Variants in SYNPO2 observed in about 807,000 individuals in gnomAD.
SYNPO2 encodes the protein synaptopodin 2.
A neutral mutation model predicts 85.0 loss-of-function variants in SYNPO2; 56 were observed. The observed-to-expected ratio is 0.66, with a 90% CI of 0.53 to 0.82. The LOEUF (loss-of-function observed/expected upper bound fraction) is 0.82, where lower values mean the gene tolerates loss of function less well. SYNPO2 is among the 40% of genes least tolerant of loss of function. The pLI, the probability that SYNPO2 is intolerant of heterozygous loss-of-function variation, is 0.00. For synonymous variants in SYNPO2, 602 were observed against 591.1 expected (o/e 1.02, Z -0.27); for missense variants, 1,575 against 1,534.2 (o/e 1.03, Z -0.44).
intron 1 of SYNPO2, among the ~76,000 whole-genome samples, chr4:118,978,584 A>G (rs955753): frequency 0.082 from 12,557 of 152,254 alleles, 639 homozygotes; most frequent in East Asian, 0.15. Flanking sequence ...GTGTATTCCA[A>G]TGGATTTTCC....
At chr4:118,879,423 A>G (rs888500107) in intron 1 of SYNPO2, among the ~76,000 whole-genome samples, 1 of 152,180 alleles carries the variant, frequency 6.6e-6, no homozygotes, top group Non-Finnish European at 1.5e-5. Flanking sequence ...GAAGGTAATT[A>G]GCTCATGAGG....
chr4:118,946,253 G>A (rs1721564223), intron 1 of SYNPO2, among the ~76,000 whole-genome samples: 1 of 152,184 alleles, frequency 6.6e-6, no homozygotes, highest in African/African-American at 2.4e-5. Context: ...CCTTAAAAAT[G>A]TGTATCCTAC....
At chr4:118,925,310 A>G (rs1258642325) in intron 1 of SYNPO2, among the ~76,000 whole-genome samples, 2 of 152,108 alleles carry the variant, frequency 1.3e-5, no homozygotes, top group Admixed American at 1.3e-4. Flanking sequence ...GTGATTTGCT[A>G]CCTAGGCTCA....
intron 1 of SYNPO2, among the ~76,000 whole-genome samples, chr4:118,903,952 G>A (rs1477736540): frequency 1.3e-5 from 2 of 152,158 alleles, no homozygotes; most frequent in East Asian, 1.9e-4. Flanking sequence ...TCCTGACCTC[G>A]TGATCCGCCC....
intron 1 of SYNPO2, among the ~76,000 whole-genome samples, chr4:118,950,446 T>C (rs896960851): frequency 2.6e-5 from 4 of 152,112 alleles, no homozygotes; most frequent in African/African-American, 4.8e-5. Context: ...CAAGAGCCTG[T>C]ATTGTGGTTT....
At chr4:119,036,221 C>T (rs1738504684) in intron 4 of SYNPO2, 1 of 985,338 alleles carries the variant, frequency 1.0e-6, no homozygotes, top group Middle Eastern at 5.2e-4. Flanking sequence ...AAGCTAAATG[C>T]TTAAAATGCT....
intron 1 of SYNPO2, among the ~76,000 whole-genome samples, chr4:118,894,722 G>A (rs1249514785): frequency 6.6e-6 from 1 of 151,908 alleles, no homozygotes; most frequent in Non-Finnish European, 1.5e-5. Context: ...ATTCTAAGTT[G>A]AGAATTCTAT....
At chr4:118,894,462 T>C (rs1283429493) in intron 1 of SYNPO2, among the ~76,000 whole-genome samples, 1 of 152,024 alleles carries the variant, frequency 6.6e-6, no homozygotes, top group Non-Finnish European at 1.5e-5. Flanking sequence ...TAGCAGTTTA[T>C]TTCCTGGTAG....
At chr4:118,938,591 G>A (rs889164190) in intron 1 of SYNPO2, among the ~76,000 whole-genome samples, 3 of 152,108 alleles carry the variant, frequency 2.0e-5, no homozygotes, top group Admixed American at 1.3e-4. Context: ...TTAGAACAGT[G>A]CTACAAAAAT....
At chr4:119,048,661 T>C (rs1445530580) in intron 4 of SYNPO2, among the ~76,000 whole-genome samples, 1 of 152,130 alleles carries the variant, frequency 6.6e-6, no homozygotes, top group Non-Finnish European at 1.5e-5. Context: ...TGCTGGTACC[T>C]GGGGTGAGCA....
intron 1 of SYNPO2, among the ~76,000 whole-genome samples, chr4:118,876,667 C>CTCTT (rs58409340): frequency 0.013 from 1,412 of 112,102 alleles, 34 homozygotes; most frequent in East Asian, 0.026. Context: ...TCCTTCCTTT[C>CTCTT]TCTTTCTTTC....
chr4:118,967,005 T>C (rs747076267), intron 1 of SYNPO2, among the ~76,000 whole-genome samples: 1 of 152,168 alleles, frequency 6.6e-6, no homozygotes, highest in African/African-American at 2.4e-5. Flanking sequence ...GTAATAATAG[T>C]TAACCATTAT....
In SYNPO2 at chr4:119,057,938, T is replaced by G. The variant is rs754188880; in HGVS notation, c.*4T>G. On this transcript the variant is annotated 3_prime_UTR_variant, in exon 5 of 5. Coordinates refer to ENST00000307142, the MANE Select transcript of SYNPO2 (RefSeq NM_133477.3). ...GGGATGGAGACGCCAAACATGAAAG[T>G]TAGAAGAACGGATCATGTGCCAACT... The G allele has an allele frequency of 1.6e-5, 26 of 1,606,548 alleles. No homozygotes were observed. The highest frequency in any genetic ancestry group is 2.2e-5 in the Non-Finnish European group (26 of 1,176,744).
chr4:118,879,617 C>T (rs1732033610), intron 1 of SYNPO2, among the ~76,000 whole-genome samples: 1 of 152,166 alleles, frequency 6.6e-6, no homozygotes, highest in Non-Finnish European at 1.5e-5. Flanking sequence ...CTGTGGGAAA[C>T]ACATTTTTGT....
At chr4:118,880,029 G>A (rs1732051234) in intron 1 of SYNPO2, among the ~76,000 whole-genome samples, 1 of 152,068 alleles carries the variant, frequency 6.6e-6, no homozygotes, top group South Asian at 2.1e-4. Flanking sequence ...CTCTCCCTCT[G>A]AGACCCCTTG....
At chr4:118,948,678 T>G (rs987981373) in intron 1 of SYNPO2, among the ~76,000 whole-genome samples, 18 of 151,626 alleles carry the variant, frequency 1.2e-4, no homozygotes, top group African/African-American at 4.4e-4. Context: ...AGGAAAGAGG[T>G]GTCACACTCT....
upstream of SYNPO2, among the ~76,000 whole-genome samples, chr4:118,888,301 C>G (rs183222850): frequency 5.3e-5 from 8 of 152,278 alleles, no homozygotes; most frequent in East Asian, 1.5e-3. Flanking sequence ...CTTCTCTTCC[C>G]CTTTCTCTAA....
At chr4:118,944,078 G>A (rs1202321292) in intron 1 of SYNPO2, among the ~76,000 whole-genome samples, 1 of 151,868 alleles carries the variant, frequency 6.6e-6, no homozygotes, top group African/African-American at 2.4e-5. Flanking sequence ...CAAAATCTGG[G>A]AATTCCTAGA....
chr4:119,037,302 A>T (rs1738556169), intron 4 of SYNPO2: 1 of 1,292,794 alleles, frequency 7.7e-7, no homozygotes. Context: ...TCATGAAAAA[A>T]AATTTTTAAA....
Sources: gnomAD v4.1 joint callset for allele counts (sites outside exome capture counted in the v4.1 genomes callset) on GRCh38, gnomAD v4.1.1 for gene constraint, MANE v1.5 for transcripts, NCBI Gene and HGNC (gene_info 2026-07-23, HGNC 2026-07-21) for gene names.